The following PRELID2 variants were observed in gnomAD, a reference collection of about 807,000 sequenced individuals.
PRELID2 encodes PRELI domain-containing protein 2.
Under a neutral mutation model 28.4 loss-of-function variants are expected in PRELID2, and 25 were observed. The ratio of observed to expected loss-of-function variants is 0.88; its 90% CI spans 0.64 to 1.23. PRELID2 has a LOEUF of 1.23. Among genes scored for constraint, PRELID2 ranks in the 50% most tolerant of loss-of-function variants. PRELID2 has a pLI of 0.00. For synonymous variants in PRELID2, 76 were observed against 71.6 expected (o/e 1.06, Z -0.31); for missense variants, 201 against 214.4 (o/e 0.94, Z 0.39).
intron 1 of PRELID2, among the ~76,000 whole-genome samples, chr5:145,742,191 AATAATAATAT>A (rs1407378131): frequency 7.2e-5 from 3 of 41,690 alleles, no homozygotes; most frequent in South Asian, 6.6e-4. Flanking sequence ...TTTATATATA[AATAATAATAT>A]ATAAATATAC....
the PRELID2 span, among the ~76,000 whole-genome samples, chr5:145,342,394 C>T: frequency 6.6e-6 from 1 of 151,976 alleles, no homozygotes; most frequent in Non-Finnish European, 1.5e-5. Context: ...CCCACCAAAC[C>T]ACAATTATAA....
intron 1 of PRELID2, among the ~76,000 whole-genome samples, chr5:145,739,860 C>A (rs6896903): frequency 0.82 from 123,702 of 151,186 alleles, 51,000 homozygotes; most frequent in East Asian, 0.88. Flanking sequence ...TTACTCAAAA[C>A]CATTATGTAA....
intron 1 of PRELID2, among the ~76,000 whole-genome samples, chr5:145,556,225 C>G (rs1752879313): frequency 6.8e-6 from 1 of 147,090 alleles, no homozygotes; most frequent in Non-Finnish European, 1.5e-5. Context: ...TTTACTCAAA[C>G]TAGGTTGATT....
intron 1 of PRELID2, among the ~76,000 whole-genome samples, chr5:145,620,504 G>A (rs984445309): frequency 5.9e-5 from 9 of 152,150 alleles, no homozygotes; most frequent in African/African-American, 2.2e-4. Context: ...GGAGCACTAG[G>A]TATAGGGGAA....
At chr5:145,532,096 G>A (rs537298084) in intron 1 of PRELID2, among the ~76,000 whole-genome samples, 35 of 151,946 alleles carry the variant, frequency 2.3e-4, no homozygotes, top group Non-Finnish European at 4.1e-4. Context: ...CATTATCATC[G>A]TCATCATCAT....
intron 4 of PRELID2, among the ~76,000 whole-genome samples, chr5:145,800,335 CGA>C (rs1753051296): frequency 6.7e-6 from 1 of 150,156 alleles, no homozygotes; most frequent in Non-Finnish European, 1.5e-5. Context: ...CACACACACA[CGA>C]GTTATCCCAT....
chr5:145,294,308 A>G, the PRELID2 span, among the ~76,000 whole-genome samples: 1 of 152,318 alleles, frequency 6.6e-6, no homozygotes, highest in East Asian at 1.9e-4. Flanking sequence ...CTAATGAATT[A>G]ATCTTCTGAA....
chr5:145,460,061 G>A, the PRELID2 span, among the ~76,000 whole-genome samples: 12 of 152,068 alleles, frequency 7.9e-5, no homozygotes, highest in East Asian at 1.5e-3. Context: ...CTCCTGCCTC[G>A]GCCTCCCAAA....
chr5:145,823,221 A>G (rs1389550501), intron 1 of PRELID2, 87 bp from the exon 2 acceptor site: 1 of 631,288 alleles, frequency 1.6e-6, no homozygotes, highest in East Asian at 2.7e-5. Context: ...CTGCAGGACT[A>G]GTAAATATTT....
chr5:145,355,000 G>T, the PRELID2 span, among the ~76,000 whole-genome samples: 7 of 152,104 alleles, frequency 4.6e-5, no homozygotes, highest in African/African-American at 1.7e-4. Context: ...ATGAAAATTC[G>T]TTCAGTGGCT....
the PRELID2 span, among the ~76,000 whole-genome samples, chr5:145,466,167 A>C: frequency 6.6e-6 from 1 of 152,166 alleles, no homozygotes; most frequent in South Asian, 2.1e-4. Context: ...TGATTAATAA[A>C]ATGAATGAGA....
At chr5:145,232,714 A>C in the PRELID2 span, among the ~76,000 whole-genome samples, 1 of 152,280 alleles carries the variant, frequency 6.6e-6, no homozygotes. Context: ...GTAATAGAAA[A>C]AAATTCATGT....
chr5:145,487,248 A>C (rs2126622886), intron 1 of PRELID2, among the ~76,000 whole-genome samples: 1 of 152,058 alleles, frequency 6.6e-6, no homozygotes, highest in East Asian at 1.9e-4. Context: ...TAATAATAAA[A>C]AAAAAGACTA....
At chr5:145,239,222 A>G in the PRELID2 span, among the ~76,000 whole-genome samples, 2 of 152,232 alleles carry the variant, frequency 1.3e-5, no homozygotes, top group Admixed American at 1.3e-4. Flanking sequence ...TTGTCTAGCT[A>G]TTCTCTAGCA....
At chr5:145,643,489 T>G (rs538812435) in intron 1 of PRELID2, among the ~76,000 whole-genome samples, 1 of 152,316 alleles carries the variant, frequency 6.6e-6, no homozygotes, top group Admixed American at 6.5e-5. Flanking sequence ...CTTTTCCTAT[T>G]GGAATACCTT....
At chr5:145,330,502 G>A in the PRELID2 span, among the ~76,000 whole-genome samples, 4 of 152,222 alleles carry the variant, frequency 2.6e-5, no homozygotes, top group Admixed American at 2.0e-4. Context: ...TTAGTCTTGG[G>A]AGAGCGTATG....
intron 1 of PRELID2, among the ~76,000 whole-genome samples, chr5:145,741,193 C>A (rs193191447): frequency 0.82 from 91,400 of 110,852 alleles, 37,885 homozygotes; most frequent in East Asian, 0.89. Context: ...ATAATATATA[C>A]TATACAGATA....
chr5:145,519,445 G>A (rs1396816390), intron 1 of PRELID2, among the ~76,000 whole-genome samples: 3 of 152,204 alleles, frequency 2.0e-5, no homozygotes, highest in Non-Finnish European at 2.9e-5. Flanking sequence ...TGAGGATGAT[G>A]TCAATAACAG....
At chr5:145,825,408 C>G (rs1755128418) in intron 1 of PRELID2, among the ~76,000 whole-genome samples, 1 of 152,096 alleles carries the variant, frequency 6.6e-6, no homozygotes, top group Non-Finnish European at 1.5e-5. Context: ...ATTTGAGACT[C>G]ACACAGGTCC....
Sources: gnomAD v4.1 joint callset for allele counts (sites outside exome capture counted in the v4.1 genomes callset) on GRCh38, gnomAD v4.1.1 for gene constraint, MANE v1.5 for transcripts, NCBI Gene and HGNC (gene_info 2026-07-23, HGNC 2026-07-21) for gene names.